The following LRCH1 variants were observed in gnomAD, a reference collection of about 807,000 sequenced individuals.
LRCH1 encodes the protein leucine rich repeats and calponin homology domain containing 1.
In LRCH1, 23 loss-of-function variants were observed where a neutral mutation model predicts 94.9. The observed-to-expected ratio is 0.24, with a 90% confidence interval of 0.17 to 0.34. The LOEUF (loss-of-function observed/expected upper bound fraction) is 0.34. Ranked by LOEUF, LRCH1 falls within the 10% of genes least tolerant of loss-of-function variation. LRCH1 has a pLI of 1.00. For missense variants in LRCH1, 790 were observed against 945.9 expected, an observed-to-expected ratio of 0.84 and a Z score of 2.16; for synonymous variants, 364 against 354.9, an observed-to-expected ratio of 1.03 and a Z score of -0.29.
At chr13:46,585,867 A>G (rs1379169858) in intron 1 of LRCH1, among the ~76,000 whole-genome samples, 1 of 151,968 alleles carries the variant, frequency 6.6e-6, no homozygotes, top group Non-Finnish European at 1.5e-5. Context: ...TGTGCTTTAA[A>G]TCTTTGTAAT....
chr13:46,643,524 C>T (rs557164491), intron 1 of LRCH1, among the ~76,000 whole-genome samples: 11 of 152,196 alleles, frequency 7.2e-5, no homozygotes, highest in East Asian at 1.9e-4. Flanking sequence ...GTATATCTTT[C>T]GCTCCCACTG....
intron 1 of LRCH1, among the ~76,000 whole-genome samples, chr13:46,639,754 C>T (rs1434945041): frequency 6.6e-6 from 1 of 152,242 alleles, no homozygotes; most frequent in Admixed American, 6.5e-5. Context: ...GAGTCCCAAG[C>T]AGTGTTGTAC....
intron 1 of LRCH1, among the ~76,000 whole-genome samples, chr13:46,565,713 G>T (rs957999810): frequency 6.6e-6 from 1 of 151,576 alleles, no homozygotes; most frequent in African/African-American, 2.4e-5. Flanking sequence ...CAGGAGGCTA[G>T]GGCAAGAGAA....
intron 1 of LRCH1, among the ~76,000 whole-genome samples, chr13:46,629,904 G>A (rs777727939): frequency 5.9e-5 from 9 of 152,214 alleles, no homozygotes; most frequent in Non-Finnish European, 1.2e-4. Context: ...TGGAGCAGGG[G>A]TCTCCCCCAG....
At chr13:46,709,261 G>A (rs548686768) in intron 13 of LRCH1, among the ~76,000 whole-genome samples, 2 of 152,284 alleles carry the variant, frequency 1.3e-5, no homozygotes, top group South Asian at 4.1e-4. Context: ...CCTAAAGTAG[G>A]AAACTTGACT....
intron 1 of LRCH1, among the ~76,000 whole-genome samples, chr13:46,557,915 G>A (rs9595488): frequency 0.027 from 4,035 of 151,974 alleles, 177 homozygotes; most frequent in African/African-American, 0.093. Flanking sequence ...GTGTGGTGGC[G>A]CATGCCTGTA....
chr13:46,652,570 T>C (rs2051321384), intron 2 of LRCH1, among the ~76,000 whole-genome samples: 1 of 152,210 alleles, frequency 6.6e-6, no homozygotes. Flanking sequence ...TTGCTGTTTC[T>C]ACCATAGTGG....
At chr13:46,580,446 G>A (rs1183313195) in intron 1 of LRCH1, among the ~76,000 whole-genome samples, 2 of 152,226 alleles carry the variant, frequency 1.3e-5, no homozygotes, top group Non-Finnish European at 2.9e-5. Flanking sequence ...CAGCGAAACT[G>A]CAAGGAAACC....
At chr13:46,609,016 C>G (rs2050718367) in intron 1 of LRCH1, among the ~76,000 whole-genome samples, 1 of 152,152 alleles carries the variant, frequency 6.6e-6, no homozygotes, top group African/African-American at 2.4e-5. Context: ...GTATGGCACC[C>G]TTGAGTGAAC....
At chr13:46,574,316 A>G (rs900499608) in intron 1 of LRCH1, among the ~76,000 whole-genome samples, 1 of 152,146 alleles carries the variant, frequency 6.6e-6, no homozygotes, top group Non-Finnish European at 1.5e-5. Context: ...CCATAAATAT[A>G]TATACCTACT....
intron 3 of LRCH1, among the ~76,000 whole-genome samples, chr13:46,680,399 G>A (rs560705909): frequency 1.4e-4 from 22 of 152,200 alleles, no homozygotes; most frequent in Admixed American, 3.3e-4. Context: ...GTAAACCCAT[G>A]AGCAAATGAC....
downstream of LRCH1, among the ~76,000 whole-genome samples, chr13:46,745,956 G>A (rs1375409615): frequency 1.3e-5 from 2 of 152,148 alleles, no homozygotes; most frequent in African/African-American, 4.8e-5. Context: ...TGAGTTGAGG[G>A]TTCGCTGGTC....
chr13:46,741,325 G>T (rs987849884), intron 19 of LRCH1, among the ~76,000 whole-genome samples: 4 of 152,146 alleles, frequency 2.6e-5, no homozygotes, highest in Non-Finnish European at 5.9e-5. Flanking sequence ...TGCCACTGAT[G>T]AGCACATGAT....
rs185593286 is a variant in LRCH1 at position 46,621,601 on chromosome 13, G to A, written c.308-28600G>A. Among the ~76,000 whole-genome samples the A allele has an allele frequency of 1.2e-4, 19 of 152,174 alleles. 1 individual carries two copies. Among genetic ancestry groups the A allele is most frequent in the East Asian group, 3.9e-4 (2 of 5,180 alleles). ...GATAAAGTCTAGGTGAGTCAGGAAG[G>A]GGTTCTGCATTGCTTGTTTCCCATT... On this transcript the variant is annotated intron_variant, in intron 1 of 19. Coordinates refer to ENST00000389797, the MANE Select transcript of LRCH1 (RefSeq NM_001164211.2).
At position 46,744,341 on chromosome 13, in the gene LRCH1, T is replaced by C; in HGVS notation, c.*2493T>C. On this transcript the variant is annotated 3_prime_UTR_variant, in exon 20 of 20. Coordinates refer to ENST00000389797, the MANE Select transcript of LRCH1 (RefSeq NM_001164211.2). ...AATGTTAGATAAAAGGAGCCAAGTATCTATTTACATTTTATTTTGAAATAG... is the reference window on the plus strand; with the variant it reads ...AATGTTAGATAAAAGGAGCCAAGTACCTATTTACATTTTATTTTGAAATAG... 1.0e-6 allele frequency: 1 copy of C among 985,458 alleles called. No homozygotes were observed. 61.0% of individuals were successfully genotyped at this position (985,458 alleles called of 1,614,324 possible).
At position 46,684,546 on chromosome 13, in the gene LRCH1, G is replaced by A. The variant is rs1191351366; in HGVS notation, c.686-1359G>A. 2.0e-5 allele frequency among the ~76,000 whole-genome samples: 3 copies of A among 152,256 alleles called. No homozygotes were observed. In the East Asian group the frequency reaches 5.8e-4, roughly 29 times the overall value. ...TTAAATTTTTCCAGTGATTTGCTAAGCTAACTTTAATTAACCATCTCGGAG... is the reference window on the plus strand; with the variant it reads ...TTAAATTTTTCCAGTGATTTGCTAAACTAACTTTAATTAACCATCTCGGAG... On this transcript the variant is annotated intron_variant, in intron 4 of 19. Coordinates refer to ENST00000389797, the MANE Select transcript of LRCH1 (RefSeq NM_001164211.2).
At chr13:46,685,387 G>A (rs945887558) in intron 4 of LRCH1, among the ~76,000 whole-genome samples, 36 of 152,176 alleles carry the variant, frequency 2.4e-4, no homozygotes, top group Admixed American at 1.0e-3. Flanking sequence ...AGGGCCTGTC[G>A]GAAAATTCTG....
intron 1 of LRCH1, among the ~76,000 whole-genome samples, 171 bp downstream of exon 1, chr13:46,553,874 T>C (rs1246421395): frequency 1.3e-5 from 2 of 151,928 alleles, no homozygotes; most frequent in Non-Finnish European, 2.9e-5. Flanking sequence ...AAGCGGGCCC[T>C]GGAGAGGGCA....
chr13:46,667,658 C>T (rs1473233884), intron 2 of LRCH1, among the ~76,000 whole-genome samples: 1 of 151,592 alleles, frequency 6.6e-6, no homozygotes, highest in Non-Finnish European at 1.5e-5. Context: ...CACATGTACC[C>T]TAGAACTCAA....
Sources: allele counts gnomAD v4.1 joint callset (sites outside exome capture counted in the v4.1 genomes callset), GRCh38; gene constraint gnomAD v4.1.1; transcripts MANE v1.5; gene names NCBI Gene and HGNC (gene_info 2026-07-23, HGNC 2026-07-21).